Variants in PTPRG observed in about 807,000 individuals in gnomAD.
PTPRG encodes the protein protein tyrosine phosphatase receptor type G, also known as receptor-type tyrosine-protein phosphatase gamma.
PTPRG carries 102 observed loss-of-function variants against 165.3 expected under a neutral mutation model. The observed-to-expected ratio is 0.62, with a 90% confidence interval of 0.53 to 0.73. The LOEUF (loss-of-function observed/expected upper bound fraction) is 0.73. PTPRG is among the 30% of genes least tolerant of loss of function. The pLI is 0.00. For synonymous variants in PTPRG, 675 were observed against 669.5 expected (o/e 1.01, Z -0.13); for missense variants, 1,866 against 1,861.4 (o/e 1.00, Z -0.05).
chr3:61,907,385 C>T (rs1016558068), intron 2 of PTPRG, among the ~76,000 whole-genome samples: 5 of 152,158 alleles, frequency 3.3e-5, no homozygotes, highest in Non-Finnish European at 7.4e-5. Flanking sequence ...AGGCCGTCTT[C>T]CCAGCAGAGC....
At chr3:62,080,579 C>T (rs561521944) in intron 5 of PTPRG, among the ~76,000 whole-genome samples, 5 of 152,134 alleles carry the variant, frequency 3.3e-5, no homozygotes, top group African/African-American at 4.8e-5. Flanking sequence ...GTCATGCCAA[C>T]CTGTGCTCAG....
chr3:61,677,254 A>T (rs921232190), intron 1 of PTPRG, among the ~76,000 whole-genome samples: 30 of 151,758 alleles, frequency 2.0e-4, no homozygotes, highest in Admixed American at 2.0e-3. Context: ...CAAAAAAAAA[A>T]AAAAAAAAAA....
At chr3:61,939,632 G>T (rs1202045329) in intron 2 of PTPRG, among the ~76,000 whole-genome samples, 1 of 152,168 alleles carries the variant, frequency 6.6e-6, no homozygotes, top group Non-Finnish European at 1.5e-5. Flanking sequence ...ACATGAAATG[G>T]TTTGAGAGTT....
chr3:62,175,408 G>A (rs1457849124), intron 8 of PTPRG, among the ~76,000 whole-genome samples: 1 of 152,164 alleles, frequency 6.6e-6, no homozygotes, highest in Non-Finnish European at 1.5e-5. Flanking sequence ...TTGAGCCCAG[G>A]AGTTTGAGGC....
intron 8 of PTPRG, among the ~76,000 whole-genome samples, chr3:62,171,408 A>AT (rs897557826): frequency 6.6e-6 from 1 of 152,168 alleles, no homozygotes; most frequent in Non-Finnish European, 1.5e-5. Context: ...TTTTTACAGC[A>AT]TTTTTTTAAA....
At chr3:61,573,047 A>G (rs1700094486) in intron 1 of PTPRG, among the ~76,000 whole-genome samples, 1 of 151,978 alleles carries the variant, frequency 6.6e-6, no homozygotes, top group Admixed American at 6.5e-5. Context: ...GCTGAAGCTC[A>G]CCTCTCCTGG....
At chr3:61,672,739 AG>A (rs1703062031) in intron 1 of PTPRG, among the ~76,000 whole-genome samples, 8 of 13,928 alleles carry the variant, frequency 5.7e-4, no homozygotes, top group African/African-American at 1.6e-3. Context: ...CTGTGGGGAG[AG>A]GGAGAGGGAG....
intron 5 of PTPRG, among the ~76,000 whole-genome samples, chr3:62,119,501 C>T (rs1702982924): frequency 6.6e-6 from 1 of 152,202 alleles, no homozygotes; most frequent in South Asian, 2.1e-4. Context: ...GAAGGAGGCC[C>T]TGGAGTCCTG....
Position 62,294,169 on chromosome 3 carries a change from T to C in PTPRG, c.*862T>C, listed in dbSNP as rs1702990285. On this transcript the variant is annotated 3_prime_UTR_variant, in exon 30 of 30. Coordinates refer to ENST00000474889, the MANE Select transcript of PTPRG (RefSeq NM_002841.4). ...TTAGTTATTCTCCATTAATGCTTCTTAGTTTGTAATACCATACCTCACAGT... is the reference window on the plus strand; with the variant it reads ...TTAGTTATTCTCCATTAATGCTTCTCAGTTTGTAATACCATACCTCACAGT... 1 of 152,108 alleles carries C rather than the reference T, an allele frequency of 6.6e-6. No individual in the cohort carries two copies. Among genetic ancestry groups the C allele is most frequent in the Admixed American group, 6.6e-5 (1 of 15,234 alleles). The allele number at this position is 152,108 out of a possible 1,614,324, so 9.4% of individuals were successfully genotyped here.
In PTPRG at chr3:61,586,550, A is replaced by G. The variant is rs1204597840; in HGVS notation, c.85+24178A>G. The stretch of plus-strand genomic sequence containing the variant: ...GTTTGCACCACCAGTTTCTAAAGTT[A>G]TCTTGTCTGCAGGGCCAACATTACT... On this transcript the variant is annotated intron_variant, in intron 1 of 29. Coordinates refer to ENST00000474889, the MANE Select transcript of PTPRG (RefSeq NM_002841.4). Among the ~76,000 whole-genome samples the G allele has an allele frequency of 1.1e-4, 17 of 152,280 alleles. No homozygotes were observed. The East Asian group carries it at 1.5e-3, about 14-fold the overall frequency.
Position 62,203,332 on chromosome 3 carries a change from A to G in PTPRG, c.1537A>G (p.Ser513Gly), listed in dbSNP as rs750844339. 6.2e-7 allele frequency: 1 copy of G among 1,613,666 alleles called. No individual in the cohort carries two copies. The highest frequency in any genetic ancestry group is 1.1e-5 in the South Asian group (1 of 91,048). ...SQATVASVVT[S>G]TLLAGLGFGG... is the part of the protein sequence containing the mutation. Reference sequence around the variant, plus strand: ...GGCCACAGTGGCCTCGGTGGTCACCAGCACGCTGCTCGCCGGCCTGGGGTT... The same window carrying G: ...GGCCACAGTGGCCTCGGTGGTCACCGGCACGCTGCTCGCCGGCCTGGGGTT... The change falls in exon 12 of 30, where the codon AGC (serine) becomes GGC (glycine). Residue 513 changes from serine (S) to glycine (G), a missense_variant. Ser to Gly is a moderately conservative substitution (Grantham distance 56). Around this residue, in one of 3 missense-constraint regions of PTPRG, gnomAD observed 1,452 missense variants for 1,463.0 expected, o/e 0.99. Transcript: ENST00000474889. The surrounding 1 kb of genome is among the most constrained non-coding windows in gnomAD (Gnocchi z 6.4).
At chr3:62,061,384 A>G (rs1700804870) in intron 4 of PTPRG, among the ~76,000 whole-genome samples, 1 of 141,224 alleles carries the variant, frequency 7.1e-6, no homozygotes, top group South Asian at 2.6e-4. Context: ...GAATGGAGCC[A>G]CTCTGTAACC....
chr3:62,038,451 G>T (rs1416206049), intron 4 of PTPRG, among the ~76,000 whole-genome samples: 1 of 152,120 alleles, frequency 6.6e-6, no homozygotes, highest in Non-Finnish European at 1.5e-5. Context: ...AGGTTGGAGT[G>T]CAGTGGTGTA....
chr3:62,035,636 T>G (rs920702563), intron 4 of PTPRG, among the ~76,000 whole-genome samples: 1 of 152,244 alleles, frequency 6.6e-6, no homozygotes, highest in East Asian at 1.9e-4. Flanking sequence ...CATAGACTTA[T>G]AATCCTACTC....
intron 1 of PTPRG, among the ~76,000 whole-genome samples, chr3:61,702,119 T>C (rs1482031678): frequency 6.6e-6 from 1 of 152,074 alleles, no homozygotes; most frequent in African/African-American, 2.4e-5. Context: ...GCTAGGAGTA[T>C]AGGCGAGCAC....
chr3:61,741,793 T>C (rs548513981), intron 1 of PTPRG, among the ~76,000 whole-genome samples: 4 of 152,278 alleles, frequency 2.6e-5, no homozygotes, highest in African/African-American at 7.2e-5. Context: ...TGGCCATGTA[T>C]CTTCTTTTCT....
At chr3:62,206,035 A>G (rs761597498) in intron 12 of PTPRG, among the ~76,000 whole-genome samples, 9 of 152,168 alleles carry the variant, frequency 5.9e-5, no homozygotes, top group Non-Finnish European at 8.8e-5. Flanking sequence ...CCTCTGGACT[A>G]TGGGCTCTGG....
intron 1 of PTPRG, among the ~76,000 whole-genome samples, chr3:61,617,480 C>G (rs1701328884): frequency 6.6e-6 from 1 of 152,130 alleles, no homozygotes; most frequent in Admixed American, 6.5e-5. Context: ...AGTATACTTT[C>G]AAGAAGATAG....
intron 2 of PTPRG, among the ~76,000 whole-genome samples, chr3:61,811,902 T>C (rs2035589972): frequency 6.6e-6 from 1 of 152,220 alleles, no homozygotes. Flanking sequence ...ACAAATCAGA[T>C]CTAACGGTTT....
Sources: allele counts gnomAD v4.1 joint callset (sites outside exome capture counted in the v4.1 genomes callset), GRCh38; gene constraint gnomAD v4.1.1; regional missense constraint gnomAD v4.1.1; non-coding constraint Gnocchi (gnomAD v3.1); transcripts MANE v1.5; gene names NCBI Gene and HGNC (gene_info 2026-07-23, HGNC 2026-07-21).